PCDH19: variants seen among roughly 807,000 people sequenced by gnomAD.
The protein encoded by PCDH19 is protocadherin-19.
Under a neutral mutation model 46.2 loss-of-function variants are expected in PCDH19, and 6 were observed. That is an observed-to-expected ratio of 0.13 (90% confidence interval 0.07 to 0.26). The LOEUF (loss-of-function observed/expected upper bound fraction) is 0.26. PCDH19 is among the 10% of genes least tolerant of loss of function. PCDH19 has a pLI of 1.00. For synonymous variants in PCDH19, 481 were observed against 415.7 expected (o/e 1.16, Z -1.91); for missense variants, 740 against 972.3 (o/e 0.76, Z 3.18).
In PCDH19 at chrX:100,316,618, A is replaced by G. The variant is rs764364487; in HGVS notation, c.2849-19743T>C. Among the ~76,000 whole-genome samples, 5 of 112,156 alleles carry G rather than the reference A, an allele frequency of 4.5e-5. No individual in the cohort carries two copies. In the South Asian group the frequency reaches 1.1e-3, roughly 25 times the overall value. ...CTCTATTGAACTGAGCAGGGCCAAC[A>G]CTGTACATAATTGTGGGTGGAGGAA... is the stretch of plus-strand genomic sequence containing the variant. On this transcript the variant is annotated intron_variant, in intron 5 of 5. Coordinates refer to ENST00000373034, the MANE Select transcript of PCDH19 (RefSeq NM_001184880.2).
chrX:100,363,856 C>CGTGT (rs1555980282), intron 3 of PCDH19, among the ~76,000 whole-genome samples: 1 of 88,970 alleles, frequency 1.1e-5, no homozygotes, highest in African/African-American at 4.4e-5. Flanking sequence ...AATGTGCGTG[C>CGTGT]GTGTGTGTGT....
At position 100,352,225 on chromosome X, in the gene PCDH19, A is replaced by G. The variant is rs183713604; in HGVS notation, c.2617-1521T>C. Among the ~76,000 whole-genome samples, 40 of 112,297 alleles carry G rather than the reference A, an allele frequency of 3.6e-4. 1 individual carries two copies. The highest frequency in any genetic ancestry group is 1.1e-3 in the African/African-American group (35 of 30,935). On this transcript the variant is annotated intron_variant, in intron 3 of 5. Transcript: ENST00000373034. ...GTTCATTTCTGGTTTCTTCATAGAG[A>G]GTGAATGCTGAAATTGTCACAAACA...
At position 100,409,708 on chromosome X, in the gene PCDH19, G is replaced by GTCC. The variant is rs1220534142; in HGVS notation, c.-1114_-1112dup. 1 of 236,707 alleles carries GTCC rather than the reference G, an allele frequency of 4.2e-6. No homozygotes were observed. The highest frequency in any genetic ancestry group is 3.5e-5 in the African/African-American group (1 of 28,862). 19.5% of individuals were successfully genotyped at this position (236,707 alleles called of 1,213,427 possible). A position where few individuals can be genotyped will look rare whatever the true frequency, so the allele number is the denominator to read the frequency against. ...GTTTGGGCTGGGGTGTCGCTCCAAG[G>GTCC]TCCGCCGCCGCCGCCGCCGCCGCCG... On this transcript the variant is annotated 5_prime_UTR_variant, in exon 1 of 6. Coordinates refer to ENST00000373034, the MANE Select transcript of PCDH19 (RefSeq NM_001184880.2).
At chrX:100,332,520 A>C (rs1370322099) in intron 5 of PCDH19, among the ~76,000 whole-genome samples, 1 of 111,110 alleles carries the variant, frequency 9.0e-6, no homozygotes, top group Non-Finnish European at 1.9e-5. Flanking sequence ...GTCTCAAAAA[A>C]AAAAAAAAAA....
At chrX:100,382,191 AATATT>A (rs1056625087) in intron 3 of PCDH19, among the ~76,000 whole-genome samples, 6 of 111,176 alleles carry the variant, frequency 5.4e-5, no homozygotes, top group African/African-American at 2.0e-4. Context: ...ATTCAGGTTA[AATATT>A]ATAACAGATA....
chrX:100,325,717 T>C (rs1345654618), intron 5 of PCDH19, among the ~76,000 whole-genome samples: 2 of 112,664 alleles, frequency 1.8e-5, no homozygotes, highest in Admixed American at 9.4e-5. Flanking sequence ...GATTTAGATT[T>C]TGGGGAAGGC....
In PCDH19 at chrX:100,296,388, C is replaced by T. The variant is rs993011191; in HGVS notation, c.3336G>A (p.Glu1112=). The part of the protein sequence containing the change: ...NNGPTRPSEA[E]PRGADSEKVM... ...CTTTCTCGCTATCAGCTCCACGGGG[C>T]TCAGCTTCAGAGGGACGAGTAGGGC... Residue 1112 remains glutamate (E), a synonymous_variant, in exon 6 of 6, where the codon GAG becomes GAA. Coordinates refer to ENST00000373034, the MANE Select transcript of PCDH19 (RefSeq NM_001184880.2). 2 of 1,209,516 alleles carry T rather than the reference C, an allele frequency of 1.7e-6. No individual in the cohort carries two copies. Among genetic ancestry groups the T allele is most frequent in the African/African-American group, 3.5e-5 (2 of 57,017 alleles).
At chrX:100,317,365 C>T (rs903342080) in intron 5 of PCDH19, among the ~76,000 whole-genome samples, 4 of 111,916 alleles carry the variant, frequency 3.6e-5, no homozygotes, top group African/African-American at 1.3e-4. Context: ...ATCTAAAGAA[C>T]AAATGAATGC....
chrX:100,305,042 TC>T (rs1462262156), intron 5 of PCDH19, among the ~76,000 whole-genome samples: 5 of 111,854 alleles, frequency 4.5e-5, no homozygotes, highest in African/African-American at 1.6e-4. Context: ...TTGCTAGAGA[TC>T]TAGACATCCA....
intron 3 of PCDH19, among the ~76,000 whole-genome samples, chrX:100,371,296 G>GT (rs745519630): frequency 7.2e-5 from 8 of 111,384 alleles, no homozygotes; most frequent in Non-Finnish European, 1.3e-4. Flanking sequence ...TCCATATGTA[G>GT]TATGTGTTAG....
At chrX:100,385,159 CAAA>C (rs1186942086) in intron 3 of PCDH19, among the ~76,000 whole-genome samples, 21 of 38,461 alleles carry the variant, frequency 5.5e-4, no homozygotes, top group African/African-American at 1.5e-3. Flanking sequence ...ACTCTGTCTC[CAAA>C]AAAAAAAAAA....
At position 100,408,229 on chromosome X, in the gene PCDH19, G is replaced by A. The variant is rs796052796; in HGVS notation, c.369C>T (p.Asn123=). The change falls in exon 1 of 6, where the codon AAC becomes AAT. Residue 123 remains asparagine, a synonymous_variant. Transcript: ENST00000373034. ...CVIKVEIKDL[N]DNAPSFPAAQ... ...CTGCCGGGAAACTGGGCGCATTGTC[G>A]TTCAGGTCCTTGATCTCCACCTTTA... The A allele has an allele frequency of 3.3e-6, 4 of 1,211,924 alleles. No homozygotes were observed. The highest frequency in any genetic ancestry group is 3.0e-5 in the East Asian group (1 of 33,832).
At chrX:100,343,465 G>C (rs1367028339) in intron 4 of PCDH19, among the ~76,000 whole-genome samples, 1 of 112,104 alleles carries the variant, frequency 8.9e-6, no homozygotes, top group South Asian at 3.7e-4. Context: ...CAGCTCAAGT[G>C]TTGATAGGTA....
At chrX:100,359,866 C>G (rs1237983474) in intron 3 of PCDH19, among the ~76,000 whole-genome samples, 2 of 109,915 alleles carry the variant, frequency 1.8e-5, no homozygotes, top group African/African-American at 6.6e-5. Flanking sequence ...TCCAGAAACC[C>G]ACAGTATGAG....
intron 3 of PCDH19, among the ~76,000 whole-genome samples, chrX:100,369,386 A>G (rs1369928742): frequency 2.7e-5 from 3 of 111,668 alleles, no homozygotes; most frequent in Non-Finnish European, 5.6e-5. Context: ...GATTAAATAC[A>G]GAGCACTCTA....
At chrX:100,399,162 A>T (rs915259) in intron 3 of PCDH19, among the ~76,000 whole-genome samples, 38,117 of 111,046 alleles carry the variant, frequency 0.34, 4,959 homozygotes, top group African/African-American at 0.42. Context: ...TATAAAGAAC[A>T]ATGTAAGTAA....
intron 3 of PCDH19, among the ~76,000 whole-genome samples, chrX:100,383,846 A>C (rs1308349032): frequency 8.9e-6 from 1 of 111,938 alleles, no homozygotes; most frequent in Non-Finnish European, 1.9e-5. Context: ...CAATAATCAA[A>C]TCAGTGTGGT....
At chrX:100,359,807 G>C in intron 3 of PCDH19, among the ~76,000 whole-genome samples, 1 of 92,959 alleles carries the variant, frequency 1.1e-5, no homozygotes, top group Admixed American at 1.2e-4. Context: ...GTGTGTGTGT[G>C]TGTATGTGTG....
chrX:100,390,820 TG>T (rs778196920), intron 3 of PCDH19, among the ~76,000 whole-genome samples: 4 of 111,904 alleles, frequency 3.6e-5, no homozygotes, highest in Admixed American at 9.5e-5. Flanking sequence ...CATTTTTTAT[TG>T]AATTCTGGCT....
Sources: allele counts gnomAD v4.1 joint callset (sites outside exome capture counted in the v4.1 genomes callset), GRCh38; gene constraint gnomAD v4.1.1; transcripts MANE v1.5; gene names NCBI Gene and HGNC (gene_info 2026-07-23, HGNC 2026-07-21).